The following NAP1L1 variants were observed in gnomAD, a reference collection of about 807,000 sequenced individuals.
NAP1L1 encodes nucleosome assembly protein 1 like 1, also known as nucleosome assembly protein 1-like 1.
Under a neutral mutation model 58.9 loss-of-function variants are expected in NAP1L1, and 9 were observed. That is an observed-to-expected ratio of 0.15 (90% CI 0.09 to 0.27). The LOEUF (loss-of-function observed/expected upper bound fraction) is 0.27, where lower values mean the gene tolerates loss of function less well. Among genes scored for constraint, NAP1L1 ranks in the 10% least tolerant of loss-of-function variants. NAP1L1 has a pLI of 1.00. For missense variants in NAP1L1, 302 were observed against 458.8 expected, an observed-to-expected ratio of 0.66 and a Z score of 3.12; for synonymous variants, 130 against 138.3, an observed-to-expected ratio of 0.94 and a Z score of 0.42.
intron 14 of NAP1L1, among the ~76,000 whole-genome samples, chr12:76,048,699 C>T (rs559483883): frequency 6.6e-6 from 1 of 152,076 alleles, no homozygotes; most frequent in South Asian, 2.1e-4. Flanking sequence ...AAACCATAAT[C>T]TTAAAAAAAT....
intron 4 of NAP1L1, chr12:76,060,971 TG>T: frequency 2.7e-6 from 1 of 368,116 alleles, no homozygotes; most frequent in Non-Finnish European, 5.4e-6. Context: ...TGCATGCCTG[TG>T]GTCCCAGCCA....
intron 11 of NAP1L1, among the ~76,000 whole-genome samples, chr12:76,050,993 T>C (rs539463951): frequency 8.1e-6 from 1 of 123,286 alleles, no homozygotes; most frequent in Admixed American, 9.1e-5. Flanking sequence ...TACTCTAGCC[T>C]GGGCAACCGA....
chr12:76,055,971 G>C lies in NAP1L1; in HGVS notation c.558+62C>G. 2.0e-6 allele frequency: 3 copies of C among 1,529,340 alleles called. 1 individual carries two copies. In the South Asian group the frequency reaches 3.4e-5, roughly 18 times the overall value. The allele number at this position is 1,529,340 out of a possible 1,614,324, so 94.7% of individuals were successfully genotyped here. On this transcript the variant is annotated intron_variant, in intron 7 of 14. Coordinates refer to ENST00000618691, the MANE Select transcript of NAP1L1 (RefSeq NM_004537.7). ...AACACTGAAGAGAACAGTGATCACA[G>C]CCATTTAAACTTCAAAGGTTTACCC...
At chr12:76,056,658 G>A (rs1254464237) in intron 6 of NAP1L1, 3 of 454,918 alleles carry the variant, frequency 6.6e-6, no homozygotes, top group Admixed American at 2.4e-5. Context: ...CTTGAAAATG[G>A]CAACAATCCT....
intron 1 of NAP1L1, among the ~76,000 whole-genome samples, chr12:76,082,884 G>A (rs977259055): frequency 2.6e-4 from 40 of 152,144 alleles, no homozygotes; most frequent in Admixed American, 2.0e-4. Context: ...CGTTTCCAAA[G>A]ATGTTTTGAA....
At chr12:76,053,011 CCA>C (rs1948913285) in intron 11 of NAP1L1, 78 bp downstream of exon 11, 1 of 1,363,160 alleles carries the variant, frequency 7.3e-7, no homozygotes, top group Non-Finnish European at 1.0e-6. Flanking sequence ...AACAACCATC[CCA>C]CTCTCCATTT....
At chr12:76,060,375 A>G in intron 4 of NAP1L1, 96 bp from the exon 5 acceptor site, 1 of 1,284,820 alleles carries the variant, frequency 7.8e-7, no homozygotes, top group Non-Finnish European at 1.1e-6. Flanking sequence ...TTAGTGAATG[A>G]CAGGTTTTTT....
chr12:76,050,699 GTTAC>G (rs1237241054), intron 11 of NAP1L1, 46 bp from the exon 12 acceptor site: 2 of 1,577,438 alleles, frequency 1.3e-6, no homozygotes, highest in Non-Finnish European at 1.7e-6. Context: ...GAATAACTGT[GTTAC>G]TTAATTTGGC....
In NAP1L1 at chr12:76,048,322, T is replaced by C. The variant is rs1948668900; in HGVS notation, c.*107A>G. The C allele has an allele frequency of 1.5e-6, 2 of 1,295,638 alleles. No individual in the cohort carries two copies. Among genetic ancestry groups the C allele is most frequent in the Admixed American group, 2.2e-5 (1 of 46,422 alleles). The allele number at this position is 1,295,638 out of a possible 1,614,324, so 80.3% of individuals were successfully genotyped here. ...CAGTTTCCTGTCCTTTAAAAAAAAA[T>C]TACCTAGTCTACCAAGAAAATACAA... On this transcript the variant is annotated 3_prime_UTR_variant, in exon 15 of 15. Transcript: ENST00000618691.
intron 6 of NAP1L1, chr12:76,057,206 T>C (rs145079526): frequency 2.4e-5 from 5 of 208,102 alleles, no homozygotes; most frequent in African/African-American, 4.7e-5. Flanking sequence ...GGTGGGAGAA[T>C]AGCTTGGGCC....
chr12:76,058,220 T>C (rs1485830969), intron 6 of NAP1L1: 3 of 212,496 alleles, frequency 1.4e-5, no homozygotes, highest in East Asian at 1.0e-4. Context: ...TATATATATA[T>C]ATATGTATTC....
intron 1 of NAP1L1, among the ~76,000 whole-genome samples, chr12:76,082,990 A>T (rs1050197055): frequency 5.9e-5 from 9 of 152,196 alleles, no homozygotes; most frequent in Admixed American, 5.9e-4. Flanking sequence ...GATATCTTCA[A>T]ATGTAGCAGT....
At position 76,050,541 on chromosome 12, in the gene NAP1L1, T is replaced by G. The variant is rs1565714425; in HGVS notation, c.1049A>C (p.Asp350Ala). Residue 350 changes from aspartate to alanine, a missense_variant, in exon 12 of 15, where the codon GAT becomes GCT. By Grantham distance (126) the Asp-to-Ala change is moderately radical. Transcript: ENST00000618691. ...TTCAAATTCGCTTACATCATCATCA[T>G]CATCTTCAATAGCTTCTCCAGTAAA... ...LYFTGEAIED[D>A]DDDYDEEGEE... 2 of 1,606,382 alleles carry G rather than the reference T, an allele frequency of 1.2e-6. No homozygotes were observed. The highest frequency in any genetic ancestry group is 2.7e-5 in the African/African-American group (2 of 74,468).
At chr12:76,077,425 A>T (rs1448813447) in intron 1 of NAP1L1, among the ~76,000 whole-genome samples, 1 of 152,220 alleles carries the variant, frequency 6.6e-6, no homozygotes, top group South Asian at 2.1e-4. Flanking sequence ...CATCATCTAT[A>T]TAAAGCAGAA....
chr12:76,067,499 G>A (rs1949735666), intron 3 of NAP1L1, 26 bp from the exon 4 acceptor site: 3 of 1,537,556 alleles, frequency 2.0e-6, no homozygotes, highest in Non-Finnish European at 2.7e-6. Flanking sequence ...GGCATCGAAA[G>A]AAGGATTTTA....
chr12:76,039,687 G>A lies in NAP1L1; in HGVS notation c.*8742C>T, dbSNP rs553583655. The A allele has an allele frequency of 1.3e-5, 2 of 152,322 alleles. No homozygotes were observed. Among genetic ancestry groups the A allele is most frequent in the East Asian group, 1.9e-4 (1 of 5,192 alleles). 9.4% of individuals were successfully genotyped at this position (152,322 alleles called of 1,614,324 possible). A position where few individuals can be genotyped will look rare whatever the true frequency, so the allele number is the denominator to read the frequency against. On this transcript the variant is annotated 3_prime_UTR_variant, in exon 15 of 15. Coordinates refer to ENST00000618691, the MANE Select transcript of NAP1L1 (RefSeq NM_004537.7). ...TCTACAAGGCAGTGCAAAGTGTAGG[G>A]CCATCCAAATGCTGGCTCCAACACA...
chr12:76,075,872 T>C (rs1329948490), intron 1 of NAP1L1, among the ~76,000 whole-genome samples: 2 of 151,984 alleles, frequency 1.3e-5, no homozygotes, highest in African/African-American at 2.4e-5. Context: ...GCCTTAAACA[T>C]GTCCATCTCA....
intron 8 of NAP1L1, among the ~76,000 whole-genome samples, chr12:76,054,498 T>C (rs1592623656): frequency 6.6e-6 from 1 of 152,370 alleles, no homozygotes; most frequent in Middle Eastern, 3.4e-3. Flanking sequence ...TAGGCATTCC[T>C]GAATAAAGTG....
intron 6 of NAP1L1, chr12:76,057,745 G>T (rs776466420): frequency 1.4e-5 from 22 of 1,549,598 alleles, no homozygotes; most frequent in Non-Finnish European, 1.9e-5. Context: ...AAAACTTACT[G>T]TGGAAAATTC....
Sources: gnomAD v4.1 joint callset for allele counts (sites outside exome capture counted in the v4.1 genomes callset) on GRCh38, gnomAD v4.1.1 for gene constraint, MANE v1.5 for transcripts, NCBI Gene and HGNC (gene_info 2026-07-23, HGNC 2026-07-21) for gene names.